The following CNTN5 variants were observed in gnomAD, a reference collection of about 807,000 sequenced individuals.
The protein encoded by CNTN5 is contactin-5.
Under a neutral mutation model 129.1 loss-of-function variants are expected in CNTN5, and 77 were observed. The ratio of observed to expected loss-of-function variants is 0.60; its 90% CI spans 0.50 to 0.72. CNTN5 has a LOEUF of 0.72. Among genes scored for constraint, CNTN5 ranks in the 30% least tolerant of loss-of-function variants. CNTN5 has a pLI of 0.00. For synonymous variants in CNTN5, 509 were observed against 465.6 expected (o/e 1.09, Z -1.20); for missense variants, 1,478 against 1,328.8 (o/e 1.11, Z -1.75).
At chr11:99,445,039 T>A (rs1452621879) in intron 2 of CNTN5, among the ~76,000 whole-genome samples, 3 of 148,504 alleles carry the variant, frequency 2.0e-5, no homozygotes, top group African/African-American at 7.3e-5. Flanking sequence ...TGTATTTATA[T>A]ATATTTATAT....
chr11:99,391,781 A>C (rs2136189232), intron 2 of CNTN5, among the ~76,000 whole-genome samples: 1 of 152,118 alleles, frequency 6.6e-6, no homozygotes, highest in Middle Eastern at 3.4e-3. Context: ...CTGATCACAT[A>C]AAAACATTTT....
intron 2 of CNTN5, among the ~76,000 whole-genome samples, chr11:99,533,167 G>A (rs11220331): frequency 0.23 from 35,308 of 152,232 alleles, 4,763 homozygotes; most frequent in Non-Finnish European, 0.31. Flanking sequence ...AGGTTGCAGT[G>A]AGCCAAGATT....
intron 8 of CNTN5, among the ~76,000 whole-genome samples, chr11:99,985,533 G>A (rs1938620623): frequency 2.0e-5 from 3 of 152,150 alleles, no homozygotes; most frequent in Non-Finnish European, 4.4e-5. Context: ...CAGTTGGTAA[G>A]AAGGCGTTTT....
chr11:99,627,794 A>G (rs619391), intron 3 of CNTN5, among the ~76,000 whole-genome samples: 92,540 of 151,234 alleles, frequency 0.61, 29,208 homozygotes, highest in Admixed American at 0.74. Flanking sequence ...GGATATAAAT[A>G]GAGCACTGAC....
chr11:99,217,782 G>T (rs573463616), intron 1 of CNTN5, among the ~76,000 whole-genome samples: 13 of 151,924 alleles, frequency 8.6e-5, no homozygotes, highest in Admixed American at 7.9e-4. Flanking sequence ...TTTAAAAATG[G>T]GCTTTTACAT....
chr11:99,752,352 T>A (rs530928211), intron 3 of CNTN5, among the ~76,000 whole-genome samples: 1 of 152,290 alleles, frequency 6.6e-6, no homozygotes, highest in South Asian at 2.1e-4. Context: ...GAGATTTAAA[T>A]TGCTAGCTAA....
chr11:99,669,058 T>G (rs1268481746), intron 3 of CNTN5, among the ~76,000 whole-genome samples: 1 of 152,174 alleles, frequency 6.6e-6, no homozygotes, highest in Non-Finnish European at 1.5e-5. Flanking sequence ...ATTTGTGCTT[T>G]CTTTTAAACA....
chr11:99,340,439 G>A (rs920251457), intron 2 of CNTN5, among the ~76,000 whole-genome samples: 1 of 151,386 alleles, frequency 6.6e-6, no homozygotes, highest in Non-Finnish European at 1.5e-5. Context: ...AATTAGGGGG[G>A]AAAAAAAAGC....
At chr11:99,626,969 G>C (rs966756117) in intron 3 of CNTN5, among the ~76,000 whole-genome samples, 1 of 152,098 alleles carries the variant, frequency 6.6e-6, no homozygotes, top group Non-Finnish European at 1.5e-5. Flanking sequence ...TCCTTAGTCA[G>C]CTCAGCCTCA....
intron 1 of CNTN5, among the ~76,000 whole-genome samples, chr11:99,259,727 T>C (rs977581940): frequency 6.6e-6 from 1 of 151,884 alleles, no homozygotes. Flanking sequence ...AAATTGCTTT[T>C]GAAAATAATT....
chr11:100,042,201 A>G (rs2137683923), intron 9 of CNTN5, among the ~76,000 whole-genome samples: 1 of 150,196 alleles, frequency 6.7e-6, no homozygotes, highest in South Asian at 2.1e-4. Context: ...AATCACCCAC[A>G]TTAGTGGTTT....
intron 2 of CNTN5, among the ~76,000 whole-genome samples, chr11:99,434,518 C>T (rs1471382273): frequency 3.3e-5 from 5 of 152,086 alleles, no homozygotes; most frequent in Non-Finnish European, 7.4e-5. Flanking sequence ...ATTTTCTTTG[C>T]TATGCCCAGA....
chr11:100,082,438 C>T (rs536384640), intron 13 of CNTN5, among the ~76,000 whole-genome samples: 2 of 152,156 alleles, frequency 1.3e-5, no homozygotes, highest in South Asian at 2.1e-4. Context: ...CACACTGTCA[C>T]CACCATGCCT....
intron 1 of CNTN5, among the ~76,000 whole-genome samples, chr11:99,242,090 T>C (rs1363223105): frequency 3.3e-5 from 5 of 152,136 alleles, no homozygotes; most frequent in African/African-American, 1.2e-4. Context: ...CCATTCAAAA[T>C]AAAATGTATA....
chr11:99,811,101 A>G (rs531009436), intron 3 of CNTN5, among the ~76,000 whole-genome samples: 3 of 152,250 alleles, frequency 2.0e-5, no homozygotes, highest in South Asian at 2.1e-4. Flanking sequence ...CTGTCATTTC[A>G]TGACTTGTGG....
intron 9 of CNTN5, among the ~76,000 whole-genome samples, chr11:100,007,089 G>A (rs34213618): frequency 0.37 from 56,536 of 151,598 alleles, 11,903 homozygotes; most frequent in African/African-American, 0.57. Context: ...TTTGAAAGGA[G>A]TCTTTTTTTC....
intron 1 of CNTN5, among the ~76,000 whole-genome samples, chr11:99,186,857 A>G (rs1039346545): frequency 1.3e-5 from 2 of 152,018 alleles, no homozygotes; most frequent in African/African-American, 2.4e-5. Context: ...CTGCAAGAGT[A>G]GCTGATTGCC....
chr11:99,726,300 A>G (rs1193988208), intron 3 of CNTN5, among the ~76,000 whole-genome samples: 1 of 152,220 alleles, frequency 6.6e-6, no homozygotes, highest in Non-Finnish European at 1.5e-5. Flanking sequence ...GTGCCAGAGT[A>G]AAAAGCAATT....
chr11:99,496,157 A>G (rs1946216009), intron 2 of CNTN5, among the ~76,000 whole-genome samples: 1 of 152,248 alleles, frequency 6.6e-6, no homozygotes, highest in Admixed American at 6.5e-5. Context: ...AATCACAATA[A>G]TAGAAGTAAT....
Sources: allele counts gnomAD v4.1 joint callset (sites outside exome capture counted in the v4.1 genomes callset), GRCh38; gene constraint gnomAD v4.1.1; transcripts MANE v1.5; gene names NCBI Gene and HGNC (gene_info 2026-07-23, HGNC 2026-07-21).